The following CFAP61 variants were observed in gnomAD, a reference collection of about 807,000 sequenced individuals.
The protein encoded by CFAP61 is cilia and flagella associated protein 61, also known as cilia- and flagella-associated protein 61.
In CFAP61, 107 loss-of-function variants were observed where a neutral mutation model predicts 135.6. The observed-to-expected ratio is 0.79, with a 90% CI of 0.67 to 0.93. The LOEUF is 0.93. CFAP61 is among the 40% of genes least tolerant of loss of function. CFAP61 has a pLI of 0.00. For missense variants in CFAP61, 1,507 were observed against 1,556.2 expected (o/e 0.97, Z 0.53); for synonymous variants, 575 against 578.5 (o/e 0.99, Z 0.09).
At chr20:20,355,895 G>C (rs1359165212) in intron 26 of CFAP61, among the ~76,000 whole-genome samples, 1 of 147,826 alleles carries the variant, frequency 6.8e-6, no homozygotes, top group East Asian at 2.0e-4. Flanking sequence ...TGGTCACACT[G>C]TGAGGGGAGG....
At chr20:20,175,617 C>G (rs1015823146) in intron 13 of CFAP61, among the ~76,000 whole-genome samples, 2 of 152,014 alleles carry the variant, frequency 1.3e-5, no homozygotes, top group African/African-American at 2.4e-5. Flanking sequence ...GCTCTGACTC[C>G]CAGGTTTCAC....
chr20:20,293,545 T>C (rs763555277), intron 24 of CFAP61, among the ~76,000 whole-genome samples: 2 of 152,186 alleles, frequency 1.3e-5, no homozygotes, highest in African/African-American at 4.8e-5. Flanking sequence ...ATATAGCCAA[T>C]TGATCAAGAA....
chr20:20,191,452 T>C, intron 15 of CFAP61, 33 bp downstream of exon 15: 1 of 1,532,764 alleles, frequency 6.5e-7, no homozygotes, highest in East Asian at 2.3e-5. Flanking sequence ...ATTTCTTTGA[T>C]TGTGCCTTGC....
intron 14 of CFAP61, among the ~76,000 whole-genome samples, chr20:20,190,512 G>A (rs2055844510): frequency 6.6e-6 from 1 of 152,104 alleles, no homozygotes; most frequent in Admixed American, 6.5e-5. Flanking sequence ...TATTAGAACT[G>A]TTCAATATTC....
intron 2 of CFAP61, among the ~76,000 whole-genome samples, chr20:20,064,829 T>C (rs1196335779): frequency 1.3e-5 from 2 of 152,166 alleles, no homozygotes; most frequent in Non-Finnish European, 2.9e-5. Context: ...CCTAACAAGA[T>C]TATTTGTCAA....
intron 14 of CFAP61, among the ~76,000 whole-genome samples, chr20:20,190,454 G>T (rs2055838817): frequency 6.6e-6 from 1 of 152,136 alleles, no homozygotes; most frequent in African/African-American, 2.4e-5. Context: ...AGAGGTTAAG[G>T]ATGCGGGGAG....
chr20:20,158,893 G>A (rs1395847296), intron 9 of CFAP61, among the ~76,000 whole-genome samples: 1 of 152,160 alleles, frequency 6.6e-6, no homozygotes. Flanking sequence ...GTAGCTTATT[G>A]TATGTCAATT....
intron 17 of CFAP61, among the ~76,000 whole-genome samples, chr20:20,204,015 C>T (rs761347897): frequency 2.6e-5 from 4 of 152,204 alleles, no homozygotes; most frequent in African/African-American, 7.2e-5. Context: ...TGTCATATTA[C>T]ACTCCAGAAA....
intron 24 of CFAP61, among the ~76,000 whole-genome samples, chr20:20,297,640 G>T (rs1160791416): frequency 6.6e-6 from 1 of 152,222 alleles, no homozygotes; most frequent in African/African-American, 2.4e-5. Context: ...GAATGTGTAT[G>T]TGCATCTCCC....
At chr20:20,251,409 A>C (rs2050890845) in intron 19 of CFAP61, among the ~76,000 whole-genome samples, 186 bp from the exon 20 acceptor site, 1 of 148,348 alleles carries the variant, frequency 6.7e-6, no homozygotes, top group South Asian at 2.2e-4. Flanking sequence ...ATTTAGCTTT[A>C]ATGGGAAGAT....
At chr20:20,143,359 T>C (rs2424271) in intron 9 of CFAP61, among the ~76,000 whole-genome samples, 137,244 of 152,190 alleles carry the variant, frequency 0.9, 62,705 homozygotes, top group Middle Eastern at 0.99. Context: ...ATGGAAACAC[T>C]TGCCCCATCT....
At chr20:20,260,310 A>G (rs1181812481) in intron 20 of CFAP61, among the ~76,000 whole-genome samples, 1 of 152,202 alleles carries the variant, frequency 6.6e-6, no homozygotes, top group African/African-American at 2.4e-5. Flanking sequence ...CAATGTCTCC[A>G]TACAAATTCT....
intron 10 of CFAP61, 36 bp from the exon 11 acceptor site, chr20:20,164,014 G>A: frequency 6.4e-7 from 1 of 1,552,056 alleles, no homozygotes; most frequent in East Asian, 2.3e-5. Flanking sequence ...GGCATTGACA[G>A]GATTCTCATT....
intron 25 of CFAP61, among the ~76,000 whole-genome samples, chr20:20,301,036 A>C (rs2056054278): frequency 6.6e-6 from 1 of 152,166 alleles, no homozygotes; most frequent in Non-Finnish European, 1.5e-5. Flanking sequence ...ATTGAGAAAC[A>C]TGTTTTTATA....
intron 9 of CFAP61, 80 bp from the exon 10 acceptor site, chr20:20,159,290 T>C (rs2146797057): frequency 2.4e-6 from 3 of 1,271,946 alleles, no homozygotes; most frequent in South Asian, 1.2e-5. Flanking sequence ...GTCTGAACCC[T>C]GGCAGTTTGC....
chr20:20,314,458 G>A (rs533752504), intron 25 of CFAP61, among the ~76,000 whole-genome samples: 1 of 150,788 alleles, frequency 6.6e-6, no homozygotes, highest in South Asian at 2.1e-4. Flanking sequence ...CATAGCAGTG[G>A]GGGTCCTTCA....
intron 20 of CFAP61, among the ~76,000 whole-genome samples, chr20:20,258,202 G>T (rs369459010): frequency 1.3e-5 from 2 of 152,254 alleles, no homozygotes; most frequent in Admixed American, 6.5e-5. Flanking sequence ...GGTTCAAAGT[G>T]CACCAGCAAA....
intron 22 of CFAP61, among the ~76,000 whole-genome samples, chr20:20,284,188 C>G (rs555558979): frequency 6.6e-6 from 1 of 151,926 alleles, no homozygotes; most frequent in Admixed American, 6.6e-5. Flanking sequence ...CTTTTCTGTT[C>G]CCCCTTGCCT....
At chr20:20,357,399 G>A (rs1326316756) in intron 26 of CFAP61, among the ~76,000 whole-genome samples, 1 of 65,856 alleles carries the variant, frequency 1.5e-5, no homozygotes. Flanking sequence ...CACACTGAGG[G>A]GAGGTGGTCA....
Sources: gnomAD v4.1 joint callset for allele counts (sites outside exome capture counted in the v4.1 genomes callset) on GRCh38, gnomAD v4.1.1 for gene constraint, MANE v1.5 for transcripts, NCBI Gene and HGNC (gene_info 2026-07-23, HGNC 2026-07-21) for gene names.